LRRC8D: variants seen among roughly 807,000 people sequenced by gnomAD.
LRRC8D encodes volume-regulated anion channel subunit LRRC8D.
LRRC8D carries 20 observed loss-of-function variants against 55.8 expected under a neutral mutation model. That is an observed-to-expected ratio of 0.36 (90% CI 0.25 to 0.52). The LOEUF is 0.52. Ranked by LOEUF, LRRC8D falls within the 20% of genes least tolerant of loss-of-function variation. LRRC8D has a pLI of 0.93. For missense variants in LRRC8D, 651 were observed against 1,030.8 expected (o/e 0.63, Z 5.05); for synonymous variants, 352 against 377.0 (o/e 0.93, Z 0.77).
chr1:89,834,478 C>G (rs1230041639), intron 1 of LRRC8D, among the ~76,000 whole-genome samples: 3 of 152,232 alleles, frequency 2.0e-5, no homozygotes, highest in Admixed American at 2.0e-4. Flanking sequence ...AAATAACCCA[C>G]TCAAGGATAC....
At chr1:89,846,070 C>T (rs1232662139) in intron 2 of LRRC8D, among the ~76,000 whole-genome samples, 2 of 152,184 alleles carry the variant, frequency 1.3e-5, no homozygotes, top group Non-Finnish European at 2.9e-5. Flanking sequence ...TGAGCCACTG[C>T]ACCCAGCCAC....
intron 2 of LRRC8D, among the ~76,000 whole-genome samples, chr1:89,906,185 A>G (rs1032762182): frequency 3.9e-5 from 6 of 152,334 alleles, no homozygotes; most frequent in African/African-American, 1.2e-4. Context: ...GCTTAAAAAA[A>G]TCCCTATTTG....
In LRRC8D at chr1:89,825,365, T is replaced by G. The variant is rs141764661; in HGVS notation, c.-148+4074T>G. Reference sequence around the variant, plus strand: ...CACCTGGGGTACCATTTTGAAATTGTTCAAGTCTGTTGCAAGCTTCTGAAA... The same window carrying G: ...CACCTGGGGTACCATTTTGAAATTGGTCAAGTCTGTTGCAAGCTTCTGAAA... On this transcript the variant is annotated intron_variant, in intron 1 of 2. Transcript: ENST00000337338. Among the ~76,000 whole-genome samples the G allele has an allele frequency of 4.4e-3, 663 of 152,350 alleles. 6 individuals are homozygous for G. The highest frequency in any genetic ancestry group is 0.014 in the African/African-American group (591 of 41,582).
intron 2 of LRRC8D, among the ~76,000 whole-genome samples, chr1:89,912,953 A>G (rs1470237664): frequency 6.6e-6 from 1 of 152,178 alleles, no homozygotes; most frequent in Non-Finnish European, 1.5e-5. Flanking sequence ...ACCCAAATAG[A>G]ATGACTTAAA....
At chr1:89,897,705 G>T (rs1662746699) in intron 2 of LRRC8D, among the ~76,000 whole-genome samples, 1 of 151,978 alleles carries the variant, frequency 6.6e-6, no homozygotes, top group Non-Finnish European at 1.5e-5. Context: ...TTTTAAAAAA[G>T]GTTATTTTTA....
chr1:89,920,118 A>G (rs2100968559), intron 2 of LRRC8D, among the ~76,000 whole-genome samples: 1 of 152,362 alleles, frequency 6.6e-6, no homozygotes, highest in Admixed American at 6.5e-5. Flanking sequence ...ATTGAGAGCT[A>G]GAAGTAAAAA....
chr1:89,932,462 C>T lies in LRRC8D; in HGVS notation c.-2-605C>T, dbSNP rs575570973. On this transcript the variant is annotated intron_variant, in intron 2 of 2. Coordinates refer to ENST00000337338, the MANE Select transcript of LRRC8D (RefSeq NM_001134479.2). ...CTTCCACCAGAGTGATTGGAGCTAA[C>T]GTAAACAGCTAACAAACACTTGTGG... is the stretch of plus-strand genomic sequence containing the variant. Among the ~76,000 whole-genome samples, 8 of 152,270 alleles carry T rather than the reference C, an allele frequency of 5.3e-5. No individual in the cohort carries two copies. In the South Asian group the frequency reaches 8.3e-4, roughly 16 times the overall value.
Position 89,934,067 on chromosome 1 carries a change from C to G in LRRC8D, c.999C>G (p.Ile333Met). 6.2e-7 allele frequency: 1 copy of G among 1,614,192 alleles called. No individual in the cohort carries two copies. Among genetic ancestry groups the G allele is most frequent in the South Asian group, 1.1e-5 (1 of 91,076 alleles). ...ATACAGCGAACTTTGTCAACGCAAT[C>G]AGCTTTGAACACGTCTGCAAGCCCA... Reference protein sequence around the residue: ...LCYTANFVNAISFEHVCKPKV... With the variant: ...LCYTANFVNAMSFEHVCKPKV... Residue 333 changes from isoleucine (I) to methionine (M), a missense_variant, in exon 3 of 3, where the codon ATC (isoleucine) becomes ATG (methionine). By Grantham distance (10) the Ile-to-Met change is conservative. This residue lies in a region of LRRC8D where 178 missense variants were observed against 374.9 expected (regional missense o/e 0.47). Transcript: ENST00000337338. The surrounding 1 kb of genome is among the most constrained non-coding windows in gnomAD (Gnocchi z 5.9).
intron 2 of LRRC8D, among the ~76,000 whole-genome samples, chr1:89,907,486 G>A (rs1171405497): frequency 2.6e-5 from 4 of 152,060 alleles, no homozygotes; most frequent in Non-Finnish European, 4.4e-5. Context: ...CACCATGTCC[G>A]GCCAGTCAGT....
At chr1:89,824,076 C>T (rs142009712) in intron 1 of LRRC8D, among the ~76,000 whole-genome samples, 81 of 152,180 alleles carry the variant, frequency 5.3e-4, no homozygotes, top group African/African-American at 1.9e-3. Context: ...GTTATCATAG[C>T]GAGGTGGCAG....
intron 2 of LRRC8D, among the ~76,000 whole-genome samples, chr1:89,909,595 G>A (rs952714880): frequency 3.3e-5 from 5 of 152,020 alleles, no homozygotes; most frequent in Admixed American, 6.5e-5. Flanking sequence ...GGCCAGGCAC[G>A]GTGGCTCACG....
chr1:89,895,405 C>G (rs966400840), intron 2 of LRRC8D, among the ~76,000 whole-genome samples: 1 of 152,140 alleles, frequency 6.6e-6, no homozygotes, highest in South Asian at 2.1e-4. Context: ...GTAATTTTAT[C>G]TCAAATATCT....
intron 2 of LRRC8D, among the ~76,000 whole-genome samples, chr1:89,899,871 A>G (rs1378963916): frequency 6.6e-6 from 1 of 152,244 alleles, no homozygotes; most frequent in Admixed American, 6.5e-5. Flanking sequence ...GCCTTGCAGT[A>G]TCACTCTAAG....
intron 2 of LRRC8D, among the ~76,000 whole-genome samples, chr1:89,916,994 G>C (rs1453012059): frequency 1.3e-5 from 2 of 152,154 alleles, no homozygotes; most frequent in East Asian, 3.9e-4. Flanking sequence ...CATTATCTGT[G>C]TTCCTATTGT....
At chr1:89,906,719 T>C (rs1156814918) in intron 2 of LRRC8D, among the ~76,000 whole-genome samples, 1 of 152,142 alleles carries the variant, frequency 6.6e-6, no homozygotes, top group African/African-American at 2.4e-5. Flanking sequence ...TTAGATGGGC[T>C]CTGGAGTATG....
intron 2 of LRRC8D, among the ~76,000 whole-genome samples, chr1:89,844,049 T>C (rs1661212668): frequency 6.6e-6 from 1 of 152,230 alleles, no homozygotes; most frequent in Non-Finnish European, 1.5e-5. Flanking sequence ...CGGGCTGCGC[T>C]GGAGCTGCCA....
At chr1:89,867,535 C>T (rs1661881828) in intron 2 of LRRC8D, among the ~76,000 whole-genome samples, 1 of 152,300 alleles carries the variant, frequency 6.6e-6, no homozygotes, top group East Asian at 1.9e-4. Flanking sequence ...TTGTTTTCCA[C>T]ATTTGGGCAG....
chr1:89,856,330 T>C (rs1409475768), intron 2 of LRRC8D, among the ~76,000 whole-genome samples: 1 of 152,118 alleles, frequency 6.6e-6, no homozygotes, highest in Admixed American at 6.6e-5. Context: ...GTAATCTCTC[T>C]CTCTCACACA....
intron 1 of LRRC8D, among the ~76,000 whole-genome samples, chr1:89,835,320 T>G (rs979675003): frequency 6.6e-6 from 1 of 152,226 alleles, no homozygotes; most frequent in African/African-American, 2.4e-5. Flanking sequence ...GATGATTTTT[T>G]AAACCATGGG....
Sources: allele counts gnomAD v4.1 joint callset (sites outside exome capture counted in the v4.1 genomes callset), GRCh38; gene constraint gnomAD v4.1.1; regional missense constraint gnomAD v4.1.1; non-coding constraint Gnocchi (gnomAD v3.1); transcripts MANE v1.5; gene names NCBI Gene and HGNC (gene_info 2026-07-23, HGNC 2026-07-21).